The following WDR17 variants were observed in gnomAD, a reference collection of about 807,000 sequenced individuals.
WDR17 encodes WD repeat-containing protein 17.
A neutral mutation model predicts 161.7 loss-of-function variants in WDR17; 143 were observed. The observed-to-expected ratio is 0.88, with a 90% CI of 0.77 to 1.02. The LOEUF (loss-of-function observed/expected upper bound fraction) is 1.02. WDR17 is among the 50% of genes least tolerant of loss of function. The probability of loss-of-function intolerance (pLI) is 0.00; values close to 1 mark genes in which losing one functional copy is unlikely to be tolerated. For synonymous variants in WDR17, 517 were observed against 515.6 expected (o/e 1.00, Z -0.04); for missense variants, 1,469 against 1,520.9 (o/e 0.97, Z 0.57).
chr4:176,159,275 GCA>G lies in WDR17; in HGVS notation c.2526-698_2526-697del, dbSNP rs367571276. On this transcript the variant is annotated intron_variant, in intron 18 of 28. Transcript: ENST00000508596. Reference sequence around the variant, plus strand: ...TAGATGGGAAGATACACACACACATGCACACACACACACACACACACATACAC... The same window carrying G: ...TAGATGGGAAGATACACACACACATGCACACACACACACACACACATACAC... Among the ~76,000 whole-genome samples the G allele has an allele frequency of 5.6e-4, 53 of 94,292 alleles. 1 individual carries two copies. The highest frequency in any genetic ancestry group is 1.3e-3 in the South Asian group (4 of 3,078). 61.9% of individuals were successfully genotyped at this position (94,292 alleles called of 152,430 possible).
chr4:176,143,238 C>T (rs1745584733), intron 11 of WDR17, among the ~76,000 whole-genome samples: 1 of 152,176 alleles, frequency 6.6e-6, no homozygotes, highest in African/African-American at 2.4e-5. Context: ...CCCAGTATTT[C>T]CCATCTCAGT....
At chr4:176,097,527 A>G (rs1473273058) in intron 1 of WDR17, among the ~76,000 whole-genome samples, 1 of 151,854 alleles carries the variant, frequency 6.6e-6, no homozygotes, top group Non-Finnish European at 1.5e-5. Flanking sequence ...CTGTGAAAAA[A>G]TCCAGTAAAC....
chr4:176,109,056 C>T (rs1739281345), intron 1 of WDR17, among the ~76,000 whole-genome samples: 2 of 152,158 alleles, frequency 1.3e-5, no homozygotes, highest in African/African-American at 4.8e-5. Context: ...TCCCAAAGTG[C>T]TGGGATTACA....
In WDR17 at chr4:176,160,099, G is replaced by A. The variant is rs1561199021; in HGVS notation, c.2631G>A (p.Gln877=). 1.9e-6 allele frequency: 3 copies of A among 1,613,794 alleles called. No individual in the cohort carries two copies. Among genetic ancestry groups the A allele is most frequent in the African/African-American group, 1.3e-5 (1 of 75,042 alleles). ...KLVHFFMSRG[Q]LKEALLVAQA... ...TCCATTTTTTCATGTCAAGAGGTCA[G>A]CTTAAAGAAGCTCTGCTTGTTGCAC... Residue 877 remains glutamine, a synonymous_variant, in exon 19 of 29, where the codon CAG becomes CAA. Coordinates refer to ENST00000508596, the MANE Select transcript of WDR17 (RefSeq NM_181265.4).
rs753862798 is a variant in WDR17, at chr4:176,141,991, G to A, written c.1451G>A (p.Arg484Gln). The change falls in exon 11 of 29, where the codon CGA (arginine) becomes CAA (glutamine). Residue 484 changes from arginine to glutamine, a missense_variant. By Grantham distance (43) the Arg-to-Gln change is conservative (BLOSUM62 1). Transcript: ENST00000508596. ...ATTATAATTAATTCTAGTATTATTCGAACAATTGATGGTAAAGTGCTACAC... is the reference window on the plus strand; with the variant it reads ...ATTATAATTAATTCTAGTATTATTCAAACAATTGATGGTAAAGTGCTACAC... Reference protein sequence around the residue: ...TCSSDGFCIIRTIDGKVLHKY... With the variant: ...TCSSDGFCIIQTIDGKVLHKY... The A allele has an allele frequency of 1.3e-5, 21 of 1,590,642 alleles. No homozygotes were observed. Among genetic ancestry groups the A allele is most frequent in the South Asian group, 4.7e-5 (4 of 86,002 alleles).
chr4:176,131,435 A>G, intron 6 of WDR17, 119 bp from the exon 7 acceptor site: 1 of 978,804 alleles, frequency 1.0e-6, no homozygotes, highest in South Asian at 1.9e-5. Context: ...GGGAGAATAT[A>G]TGATCATTGC....
At chr4:176,167,672 A>AAAAC (rs1750071914) in intron 22 of WDR17, among the ~76,000 whole-genome samples, 3 of 150,720 alleles carry the variant, frequency 2.0e-5, no homozygotes, top group Non-Finnish European at 4.4e-5. Flanking sequence ...AAAAAAAAAA[A>AAAAC]CAATATCTTG....
intron 2 of WDR17, among the ~76,000 whole-genome samples, chr4:176,114,214 C>G (rs954195530): frequency 6.6e-6 from 1 of 151,926 alleles, no homozygotes; most frequent in Non-Finnish European, 1.5e-5. Flanking sequence ...AACTTAAAAA[C>G]CTATTTATTC....
chr4:176,123,528 TG>T, intron 4 of WDR17, among the ~76,000 whole-genome samples: 1 of 152,294 alleles, frequency 6.6e-6, no homozygotes, highest in South Asian at 2.1e-4. Flanking sequence ...GCCCCCTCCT[TG>T]CATTTGATTA....
chr4:176,172,112 A>T (rs1387978336), intron 23 of WDR17, among the ~76,000 whole-genome samples: 1 of 152,144 alleles, frequency 6.6e-6, no homozygotes, highest in African/African-American at 2.4e-5. Context: ...CAATCAGGAC[A>T]ATTTACTTCT....
chr4:176,109,323 TAA>T (rs879896575), intron 1 of WDR17, among the ~76,000 whole-genome samples: 2 of 145,022 alleles, frequency 1.4e-5, no homozygotes. Flanking sequence ...TTACTAAGTG[TAA>T]AAAAAAAAAG....
At chr4:176,123,798 C>T (rs1220189685) in intron 4 of WDR17, among the ~76,000 whole-genome samples, 1 of 152,144 alleles carries the variant, frequency 6.6e-6, no homozygotes, top group Non-Finnish European at 1.5e-5. Context: ...TGGCCCTTGG[C>T]GATCAGCCTA....
chr4:176,176,786 A>G (rs1396022787), intron 26 of WDR17, among the ~76,000 whole-genome samples: 1 of 147,776 alleles, frequency 6.8e-6, no homozygotes, highest in African/African-American at 2.5e-5. Flanking sequence ...ACCATTCTTC[A>G]TACATTATGC....
rs1462733351 is a variant in WDR17, at chr4:176,160,937, C to T, written c.2685C>T (p.Pro895=). ...AQAACEGNMQ[P]LHVSVPKGAS... ...CTGCTTGTGAAGGAAATATGCAGCC[C>T]TTACATGTTTCCGTGCCTAAAGGAG... Residue 895 remains proline (P), a synonymous_variant, in exon 20 of 29, where the codon CCC becomes CCT. Coordinates refer to ENST00000508596, the MANE Select transcript of WDR17 (RefSeq NM_181265.4). 3 of 1,608,410 alleles carry T rather than the reference C, an allele frequency of 1.9e-6. No individual in the cohort carries two copies. Among genetic ancestry groups the T allele is most frequent in the Admixed American group, 1.7e-5 (1 of 59,384 alleles).
chr4:176,166,520 A>C (rs1210452704), intron 22 of WDR17, among the ~76,000 whole-genome samples: 1 of 152,156 alleles, frequency 6.6e-6, no homozygotes, highest in South Asian at 2.1e-4. Context: ...TTGTGTACTG[A>C]ACTCTCAAAA....
At chr4:176,095,633 G>T (rs986423192) in intron 1 of WDR17, among the ~76,000 whole-genome samples, 2 of 151,326 alleles carry the variant, frequency 1.3e-5, no homozygotes, top group African/African-American at 4.9e-5. Flanking sequence ...TTCCTTTGTT[G>T]CTTAATACCC....
intron 1 of WDR17, among the ~76,000 whole-genome samples, chr4:176,105,042 T>A (rs991348154): frequency 6.6e-6 from 1 of 151,582 alleles, no homozygotes; most frequent in African/African-American, 2.4e-5. Context: ...TGAAAAAAAT[T>A]TTTTCCATGC....
At chr4:176,174,813 T>C in intron 26 of WDR17, 95 bp downstream of exon 26, 1 of 676,210 alleles carries the variant, frequency 1.5e-6, no homozygotes, top group South Asian at 2.7e-5. Context: ...ATCAAATATA[T>C]TATTACAAGT....
intron 2 of WDR17, among the ~76,000 whole-genome samples, chr4:176,115,089 A>T (rs1393873910): frequency 6.6e-6 from 1 of 152,068 alleles, no homozygotes; most frequent in East Asian, 1.9e-4. Context: ...ATTTAATATC[A>T]TAATGATTTT....
Sources: gnomAD v4.1 joint callset for allele counts (sites outside exome capture counted in the v4.1 genomes callset) on GRCh38, gnomAD v4.1.1 for gene constraint, MANE v1.5 for transcripts, NCBI Gene and HGNC (gene_info 2026-07-23, HGNC 2026-07-21) for gene names.